Variants in BLTP1 observed in about 807,000 individuals in gnomAD.
BLTP1 encodes the protein fragile site-associated protein.
At chr4:122,233,218 T>C in the BLTP1 span, among the ~76,000 whole-genome samples, 1 of 152,252 alleles carries the variant, frequency 6.6e-6, no homozygotes, top group African/African-American at 2.4e-5. Context: ...CATTGGATTA[T>C]GCAAAGATAG....
the BLTP1 span, chr4:122,206,030 G>A: frequency 1.0e-6 from 1 of 983,006 alleles, no homozygotes; most frequent in African/African-American, 1.8e-5. Context: ...TATTTATTGG[G>A]ATTAAAAAAA....
the BLTP1 span, among the ~76,000 whole-genome samples, chr4:122,341,161 A>C: frequency 6.6e-6 from 1 of 152,138 alleles, no homozygotes; most frequent in Admixed American, 6.6e-5. Context: ...AAACAAAGAT[A>C]TATTCTTAGG....
chr4:122,193,310 T>C, the BLTP1 span, among the ~76,000 whole-genome samples: 13 of 152,154 alleles, frequency 8.5e-5, no homozygotes, highest in African/African-American at 3.1e-4. Flanking sequence ...TATTAAAGAT[T>C]AGGGGAGAGA....
At chr4:122,325,977 A>G in the BLTP1 span, 3 of 452,332 alleles carry the variant, frequency 6.6e-6, no homozygotes, top group African/African-American at 2.1e-5. Context: ...CTGAAAATCT[A>G]CTTTCAAAAT....
the BLTP1 span, chr4:122,215,498 G>T: frequency 1.0e-6 from 1 of 985,200 alleles, no homozygotes; most frequent in African/African-American, 1.7e-5. Context: ...GGGAGAAGGT[G>T]GGACAGAGGT....
chr4:122,180,469 T>G, the BLTP1 span, among the ~76,000 whole-genome samples: 4 of 152,200 alleles, frequency 2.6e-5, no homozygotes, highest in African/African-American at 9.6e-5. Context: ...CAGGTACTGT[T>G]CTAGGCACTC....
At chr4:122,317,208 T>C in the BLTP1 span, among the ~76,000 whole-genome samples, 1 of 151,982 alleles carries the variant, frequency 6.6e-6, no homozygotes, top group Non-Finnish European at 1.5e-5. Context: ...GGTACATGCC[T>C]ATAATCCCTG....
the BLTP1 span, chr4:122,277,779 TC>T: frequency 1.1e-6 from 1 of 924,858 alleles, no homozygotes; most frequent in Non-Finnish European, 1.3e-6. Flanking sequence ...TTTCTTTGAC[TC>T]CCTAATTAGA....
chr4:122,312,599 T>G, the BLTP1 span: 1 of 151,358 alleles, frequency 6.6e-6, no homozygotes, highest in Non-Finnish European at 1.5e-5. Context: ...AATTAGAATT[T>G]GTATGTGAGA....
At chr4:122,287,782 G>C in the BLTP1 span, 1 of 794,242 alleles carries the variant, frequency 1.3e-6, no homozygotes, top group Admixed American at 6.3e-5. Flanking sequence ...ACAAGTGTAC[G>C]AAAAAATAGT....
the BLTP1 span, chr4:122,174,712 A>AGGCCGGGCGCGGTGGCTC: frequency 3.2e-6 from 4 of 1,257,856 alleles, no homozygotes; most frequent in Non-Finnish European, 4.5e-6. Flanking sequence ...AATATTGTTA[A>AGGCCGGGCGCGGTGGCTC]AATGTTTTAT....
chr4:122,208,087 T>TA, the BLTP1 span: 11 of 984,758 alleles, frequency 1.1e-5, no homozygotes, highest in Non-Finnish European at 1.3e-5. Flanking sequence ...TTGGTATGGA[T>TA]AACCAGTAGT....
At chr4:122,260,717 G>A in the BLTP1 span, among the ~76,000 whole-genome samples, 2 of 151,902 alleles carry the variant, frequency 1.3e-5, no homozygotes, top group South Asian at 4.2e-4. Context: ...TTTCCATATT[G>A]AGGAATTCAT....
At chr4:122,215,542 C>T in the BLTP1 span, 5 of 985,152 alleles carry the variant, frequency 5.1e-6, no homozygotes, top group African/African-American at 8.7e-5. Flanking sequence ...ATGGAAGTAT[C>T]AAAGGAGTTT....
chr4:122,188,319 T>C, the BLTP1 span: 1 of 503,730 alleles, frequency 2.0e-6, no homozygotes, highest in South Asian at 8.8e-5. Flanking sequence ...TATAATTTTT[T>C]TATCCTTTTC....
the BLTP1 span, among the ~76,000 whole-genome samples, chr4:122,315,048 A>C: frequency 2.0e-5 from 3 of 152,142 alleles, no homozygotes; most frequent in East Asian, 5.8e-4. Context: ...CAAGAAACAC[A>C]GTGGAGTCTC....
the BLTP1 span, among the ~76,000 whole-genome samples, chr4:122,236,578 A>C: frequency 5.7e-3 from 869 of 152,284 alleles, 4 homozygotes; most frequent in African/African-American, 0.02. Flanking sequence ...TGAGAAGAAA[A>C]TAGAATCAGG....
the BLTP1 span, among the ~76,000 whole-genome samples, chr4:122,280,741 G>A: frequency 6.6e-6 from 1 of 151,656 alleles, no homozygotes; most frequent in Non-Finnish European, 1.5e-5. Context: ...CCTATAAGTG[G>A]GAAAACATTA....
At chr4:122,355,721 T>C in the BLTP1 span, 1 of 1,440,356 alleles carries the variant, frequency 6.9e-7, no homozygotes, top group Non-Finnish European at 9.2e-7. Flanking sequence ...TATATTATAG[T>C]TGTCTTGAAA....
Sources: allele counts gnomAD v4.1 joint callset (sites outside exome capture counted in the v4.1 genomes callset), GRCh38; gene constraint gnomAD v4.1.1; transcripts MANE v1.5; gene names NCBI Gene and HGNC (gene_info 2026-07-23, HGNC 2026-07-21).